PRKCA: variants seen among roughly 807,000 people sequenced by gnomAD.
PRKCA encodes protein kinase C alpha, also known as protein kinase C alpha type.
A neutral mutation model predicts 87.0 loss-of-function variants in PRKCA; 27 were observed. The ratio of observed to expected loss-of-function variants is 0.31; its 90% CI spans 0.23 to 0.43. PRKCA has a LOEUF of 0.43. Ranked by LOEUF, PRKCA falls within the 20% of genes least tolerant of loss-of-function variation. The pLI, the probability that PRKCA is intolerant of heterozygous loss-of-function variation, is 1.00. For synonymous variants in PRKCA, 329 were observed against 311.1 expected, an observed-to-expected ratio of 1.06 and a Z score of -0.61; for missense variants, 518 against 852.3, an observed-to-expected ratio of 0.61 and a Z score of 4.88.
At chr17:66,628,011 A>T (rs1970905141) in intron 3 of PRKCA, among the ~76,000 whole-genome samples, 1 of 152,348 alleles carries the variant, frequency 6.6e-6, no homozygotes. Flanking sequence ...TAACTCATGC[A>T]CGGCCAAATG....
chr17:66,377,673 T>C (rs1311566355), intron 2 of PRKCA, among the ~76,000 whole-genome samples: 1 of 144,110 alleles, frequency 6.9e-6, no homozygotes, highest in Non-Finnish European at 1.5e-5. Flanking sequence ...ATATAAAATG[T>C]CTATTATATA....
At chr17:66,427,209 T>C (rs989581366) in intron 2 of PRKCA, among the ~76,000 whole-genome samples, 1 of 152,110 alleles carries the variant, frequency 6.6e-6, no homozygotes, top group Admixed American at 6.5e-5. Context: ...TTTTTGTATT[T>C]CTCGTAGAGA....
At chr17:66,568,656 AT>A (rs1166188513) in intron 3 of PRKCA, among the ~76,000 whole-genome samples, 1 of 152,124 alleles carries the variant, frequency 6.6e-6, no homozygotes, top group Non-Finnish European at 1.5e-5. Context: ...TAAACAGTTC[AT>A]TGTGGCATAA....
At chr17:66,477,903 G>A (rs1368201717) in intron 2 of PRKCA, among the ~76,000 whole-genome samples, 1 of 152,190 alleles carries the variant, frequency 6.6e-6, no homozygotes, top group Admixed American at 6.5e-5. Context: ...TCTTTCGGAT[G>A]TATTTATTGG....
intron 5 of PRKCA, among the ~76,000 whole-genome samples, chr17:66,682,325 C>CA (rs1333787989): frequency 1.3e-5 from 2 of 152,092 alleles, no homozygotes; most frequent in East Asian, 1.9e-4. Context: ...CATCTGAAGC[C>CA]AAAAAAATGA....
chr17:66,463,481 C>T (rs184751639), intron 2 of PRKCA, among the ~76,000 whole-genome samples: 8 of 151,960 alleles, frequency 5.3e-5, no homozygotes, highest in East Asian at 1.9e-4. Context: ...CTGCAACCTC[C>T]GCCTCCCAAG....
intron 3 of PRKCA, among the ~76,000 whole-genome samples, chr17:66,502,607 C>T (rs1048505072): frequency 2.6e-5 from 4 of 151,860 alleles, no homozygotes; most frequent in African/African-American, 9.7e-5. Flanking sequence ...AGAATAATAC[C>T]AAGCTCAGTC....
chr17:66,509,781 C>T (rs1170699372), intron 3 of PRKCA, among the ~76,000 whole-genome samples: 1 of 152,150 alleles, frequency 6.6e-6, no homozygotes, highest in African/African-American at 2.4e-5. Flanking sequence ...AACCATTTGC[C>T]ACAGGCAGAC....
chr17:66,446,155 C>T (rs1286695918), intron 2 of PRKCA, among the ~76,000 whole-genome samples: 1 of 152,070 alleles, frequency 6.6e-6, no homozygotes, highest in Non-Finnish European at 1.5e-5. Context: ...AGTTTTAGAA[C>T]TCTGGTCTTT....
Position 66,687,172 on chromosome 17 carries a change from G to A in PRKCA, c.591G>A (p.Lys197=), listed in dbSNP as rs1972652635. ...DPNGLSDPYV[K]LKLIPDPKNE... ...ACGGGCTTTCAGATCCTTATGTGAA[G>A]CTGAAACTTATTCCTGATCCCAAGA... The change falls in exon 6 of 17, where the codon AAG becomes AAA. Residue 197 remains lysine (K), a synonymous_variant. Coordinates refer to ENST00000413366, the MANE Select transcript of PRKCA (RefSeq NM_002737.3). The A allele has an allele frequency of 6.2e-7, 1 of 1,613,834 alleles. No homozygotes were observed. The highest frequency in any genetic ancestry group is 1.3e-5 in the African/African-American group (1 of 75,004).
chr17:66,683,566 TG>T (rs1401316878), intron 5 of PRKCA, among the ~76,000 whole-genome samples: 1 of 151,294 alleles, frequency 6.6e-6, no homozygotes, highest in Admixed American at 6.6e-5. Context: ...CCACCTATCC[TG>T]GGGCAGCGTC....
At chr17:66,506,867 A>G (rs907387260) in intron 3 of PRKCA, among the ~76,000 whole-genome samples, 14 of 152,200 alleles carry the variant, frequency 9.2e-5, no homozygotes, top group Admixed American at 8.5e-4. Context: ...CAGTGATACT[A>G]GACATTTCGT....
At chr17:66,797,454 C>T (rs138499671) in intron 16 of PRKCA, among the ~76,000 whole-genome samples, 10 of 152,348 alleles carry the variant, frequency 6.6e-5, no homozygotes, top group African/African-American at 1.9e-4. Context: ...TTATTAATAA[C>T]GTTCCTTCGT....
chr17:66,560,444 T>A (rs1286893385), intron 3 of PRKCA, among the ~76,000 whole-genome samples: 1 of 152,066 alleles, frequency 6.6e-6, no homozygotes, highest in Non-Finnish European at 1.5e-5. Flanking sequence ...CCATTGTCAG[T>A]GTATTATTTA....
intron 2 of PRKCA, among the ~76,000 whole-genome samples, chr17:66,349,053 A>G (rs1907575764): frequency 6.6e-6 from 1 of 152,180 alleles, no homozygotes; most frequent in African/African-American, 2.4e-5. Context: ...GAAGTGTTCA[A>G]AATGCACCAG....
intron 16 of PRKCA, among the ~76,000 whole-genome samples, chr17:66,790,991 GTTTT>G (rs11358340): frequency 1.9e-3 from 267 of 143,066 alleles, no homozygotes; most frequent in African/African-American, 6.6e-3. Context: ...CTGTTTGCTG[GTTTT>G]TTTTTTTTTT....
At chr17:66,551,403 G>A (rs1268930472) in intron 3 of PRKCA, among the ~76,000 whole-genome samples, 1 of 152,216 alleles carries the variant, frequency 6.6e-6, no homozygotes, top group Non-Finnish European at 1.5e-5. Context: ...GAGTAGGGGA[G>A]GACCCATTCC....
intron 3 of PRKCA, among the ~76,000 whole-genome samples, chr17:66,604,000 T>C (rs1970133661): frequency 1.3e-5 from 2 of 152,206 alleles, no homozygotes; most frequent in East Asian, 1.9e-4. Flanking sequence ...CCGCCCTTTG[T>C]CGATTCACTC....
At chr17:66,727,760 AC>A (rs774084006) in intron 8 of PRKCA, among the ~76,000 whole-genome samples, 2 of 152,076 alleles carry the variant, frequency 1.3e-5, no homozygotes, top group Non-Finnish European at 2.9e-5. Flanking sequence ...TGGGGGAGAA[AC>A]GGCAGGCCAG....
Sources: allele counts gnomAD v4.1 joint callset (sites outside exome capture counted in the v4.1 genomes callset), GRCh38; gene constraint gnomAD v4.1.1; transcripts MANE v1.5; gene names NCBI Gene and HGNC (gene_info 2026-07-23, HGNC 2026-07-21).